GALNT13: variants seen among roughly 807,000 people sequenced by gnomAD.
GALNT13 encodes the protein UDP-GalNAc:polypeptide N-acetylgalactosaminyltransferase 13.
In GALNT13, 28 loss-of-function variants were observed where a neutral mutation model predicts 64.2. The ratio of observed to expected loss-of-function variants is 0.44; its 90% CI spans 0.32 to 0.60. GALNT13 has a LOEUF of 0.60. GALNT13 is among the 20% of genes least tolerant of loss of function. The pLI is 0.05. For missense variants in GALNT13, 577 were observed against 669.8 expected (o/e 0.86, Z 1.53); for synonymous variants, 214 against 224.6 (o/e 0.95, Z 0.42).
the GALNT13 span, among the ~76,000 whole-genome samples, chr2:153,171,377 C>T: frequency 7.2e-5 from 11 of 152,064 alleles, no homozygotes; most frequent in Non-Finnish European, 1.6e-4. Flanking sequence ...AAAATTATTA[C>T]AGAGGAAGCA....
At chr2:153,284,594 G>A in the GALNT13 span, among the ~76,000 whole-genome samples, 37 of 152,196 alleles carry the variant, frequency 2.4e-4, no homozygotes, top group Middle Eastern at 3.4e-3. Context: ...TCAGGACTTG[G>A]GGAAACAGTG....
At chr2:153,090,262 C>T in the GALNT13 span, among the ~76,000 whole-genome samples, 1 of 152,150 alleles carries the variant, frequency 6.6e-6, no homozygotes, top group Non-Finnish European at 1.5e-5. Flanking sequence ...TGGCTCCAGG[C>T]TGGTGGTAGG....
chr2:153,201,697 A>AT, the GALNT13 span: 1 of 152,196 alleles, frequency 6.6e-6, no homozygotes, highest in African/African-American at 2.4e-5. Flanking sequence ...TATAACTTAC[A>AT]TTGTAAACTG....
the GALNT13 span, among the ~76,000 whole-genome samples, chr2:153,574,780 C>T: frequency 6.8e-6 from 1 of 147,984 alleles, no homozygotes; most frequent in Admixed American, 6.7e-5. Flanking sequence ...TCTGTGTTAT[C>T]TTGAATTTCT....
chr2:153,143,197 A>C, the GALNT13 span, among the ~76,000 whole-genome samples: 14 of 152,052 alleles, frequency 9.2e-5, no homozygotes, highest in East Asian at 2.5e-3. Flanking sequence ...TCATCGCTCC[A>C]CTCATTAACG....
chr2:153,947,443 GTT>G (rs199936366), intron 3 of GALNT13, among the ~76,000 whole-genome samples: 1 of 143,360 alleles, frequency 7.0e-6, no homozygotes, highest in Non-Finnish European at 1.5e-5. Context: ...CTGATGTTGA[GTT>G]TTTTTTTTTT....
intron 9 of GALNT13, among the ~76,000 whole-genome samples, chr2:154,364,711 T>A (rs1004812136): frequency 2.6e-5 from 4 of 151,940 alleles, no homozygotes; most frequent in African/African-American, 9.7e-5. Context: ...TCACTCTCTC[T>A]CCCGGGCTGG....
intron 11 of GALNT13, among the ~76,000 whole-genome samples, chr2:154,423,956 C>T (rs1229721343): frequency 1.3e-5 from 2 of 152,186 alleles, no homozygotes; most frequent in Middle Eastern, 3.2e-3. Flanking sequence ...CTTCCACCCC[C>T]AACCCTAGAC....
At chr2:153,885,566 A>G (rs1687116904) in intron 1 of GALNT13, among the ~76,000 whole-genome samples, 1 of 152,106 alleles carries the variant, frequency 6.6e-6, no homozygotes, top group Admixed American at 6.6e-5. Context: ...ACTGAGGAAT[A>G]ATTTGAAACA....
At chr2:153,346,060 C>T in the GALNT13 span, among the ~76,000 whole-genome samples, 1 of 151,940 alleles carries the variant, frequency 6.6e-6, no homozygotes, top group East Asian at 1.9e-4. Context: ...CTGCAACCTC[C>T]ACCTCCCCAA....
chr2:154,340,035 T>C (rs532753620), intron 9 of GALNT13, among the ~76,000 whole-genome samples: 109 of 152,296 alleles, frequency 7.2e-4, no homozygotes, highest in Non-Finnish European at 1.1e-3. Context: ...ATTCTAATTC[T>C]GTCTTCAAAA....
the GALNT13 span, among the ~76,000 whole-genome samples, chr2:153,611,912 T>A: frequency 6.7e-5 from 10 of 150,128 alleles, no homozygotes; most frequent in Non-Finnish European, 1.2e-4. Context: ...TGTGTCCATG[T>A]GTTCTCATTG....
the GALNT13 span, among the ~76,000 whole-genome samples, chr2:153,696,514 C>T: frequency 6.6e-6 from 1 of 152,070 alleles, no homozygotes; most frequent in South Asian, 2.1e-4. Flanking sequence ...AACCATCACA[C>T]CTACTAAGTT....
chr2:153,156,129 T>G, the GALNT13 span, among the ~76,000 whole-genome samples: 1 of 152,212 alleles, frequency 6.6e-6, no homozygotes, highest in East Asian at 1.9e-4. Flanking sequence ...CTTTTGCATT[T>G]GCCAAGGAGT....
intron 3 of GALNT13, among the ~76,000 whole-genome samples, chr2:154,055,104 T>C (rs890439785): frequency 6.6e-6 from 1 of 152,066 alleles, no homozygotes; most frequent in Middle Eastern, 3.2e-3. Flanking sequence ...TACATAATTA[T>C]TTATTCATAT....
the GALNT13 span, among the ~76,000 whole-genome samples, chr2:153,355,634 A>C: frequency 1.3e-5 from 2 of 152,208 alleles, no homozygotes; most frequent in Non-Finnish European, 2.9e-5. Context: ...CCAGTTACTA[A>C]GAATTTGGCC....
the GALNT13 span, among the ~76,000 whole-genome samples, chr2:153,588,398 C>T: frequency 5.9e-5 from 9 of 152,202 alleles, no homozygotes; most frequent in Admixed American, 2.0e-4. Context: ...CATTTCCATA[C>T]ATCTTCTGAA....
the GALNT13 span, among the ~76,000 whole-genome samples, chr2:153,815,677 A>T: frequency 6.6e-6 from 1 of 152,182 alleles, no homozygotes; most frequent in Non-Finnish European, 1.5e-5. Context: ...TTACAATAAG[A>T]GTTTTTCCAT....
the GALNT13 span, among the ~76,000 whole-genome samples, chr2:153,545,410 C>T: frequency 6.6e-6 from 1 of 152,218 alleles, no homozygotes; most frequent in African/African-American, 2.4e-5. Context: ...ACAGCATACT[C>T]AGTTGCAAGA....
Sources: gnomAD v4.1 joint callset for allele counts (sites outside exome capture counted in the v4.1 genomes callset) on GRCh38, gnomAD v4.1.1 for gene constraint, MANE v1.5 for transcripts, NCBI Gene and HGNC (gene_info 2026-07-23, HGNC 2026-07-21) for gene names.